KIAA0319: variants seen among roughly 807,000 people sequenced by gnomAD.
KIAA0319 encodes the protein KIAA0319, also known as dyslexia-associated protein KIAA0319.
A neutral mutation model predicts 108.4 loss-of-function variants in KIAA0319; 83 were observed. The ratio of observed to expected loss-of-function variants is 0.77; its 90% CI spans 0.64 to 0.92. The LOEUF is 0.92. Ranked by LOEUF, KIAA0319 falls within the 40% of genes least tolerant of loss-of-function variation. The pLI, the probability that KIAA0319 is intolerant of heterozygous loss-of-function variation, is 0.00. For synonymous variants in KIAA0319, 484 were observed against 510.4 expected, an observed-to-expected ratio of 0.95 and a Z score of 0.70; for missense variants, 1,195 against 1,322.4, an observed-to-expected ratio of 0.90 and a Z score of 1.49.
At chr6:24,559,939 TAGATGGAATCATACA>T (rs1355520453) in intron 16 of KIAA0319, among the ~76,000 whole-genome samples, 1 of 152,220 alleles carries the variant, frequency 6.6e-6, no homozygotes, top group Non-Finnish European at 1.5e-5. Context: ...ACACTTCAGA[TAGATGGAATCATACA>T]ATATGAGACC....
intron 2 of KIAA0319, among the ~76,000 whole-genome samples, chr6:24,597,707 G>T (rs1008984498): frequency 6.6e-6 from 1 of 151,854 alleles, no homozygotes; most frequent in African/African-American, 2.4e-5. Context: ...CTAGTTACTT[G>T]ATGATTCTTG....
chr6:24,565,896 A>C (rs1454858336), intron 14 of KIAA0319, among the ~76,000 whole-genome samples: 1 of 152,196 alleles, frequency 6.6e-6, no homozygotes, highest in Non-Finnish European at 1.5e-5. Context: ...GTACAATATG[A>C]GGAACAGAAA....
chr6:24,625,383 T>C (rs1016386620), intron 1 of KIAA0319, among the ~76,000 whole-genome samples: 2 of 152,030 alleles, frequency 1.3e-5, no homozygotes, highest in African/African-American at 4.8e-5. Context: ...ATAAAGAATA[T>C]ATTTAAATAT....
At chr6:24,552,375 TCA>T (rs1286611046) in intron 19 of KIAA0319, among the ~76,000 whole-genome samples, 1 of 152,180 alleles carries the variant, frequency 6.6e-6, no homozygotes, top group South Asian at 2.1e-4. Flanking sequence ...TCATAAATGT[TCA>T]CAGTTATCAC....
At chr6:24,620,362 A>T (rs1024019944) in intron 1 of KIAA0319, among the ~76,000 whole-genome samples, 5 of 152,198 alleles carry the variant, frequency 3.3e-5, no homozygotes, top group African/African-American at 1.2e-4. Flanking sequence ...GTGCAGTGGC[A>T]TGATCTCAGC....
chr6:24,594,368 G>A (rs973456281), intron 3 of KIAA0319, among the ~76,000 whole-genome samples: 1 of 151,816 alleles, frequency 6.6e-6, no homozygotes, highest in African/African-American at 2.4e-5. Flanking sequence ...GCTCATGCCT[G>A]TAATCCCAAC....
chr6:24,557,490 G>A (rs1172282257), intron 17 of KIAA0319, among the ~76,000 whole-genome samples: 1 of 152,184 alleles, frequency 6.6e-6, no homozygotes, highest in Non-Finnish European at 1.5e-5. Context: ...GCAACAGAGG[G>A]ACAGAGCTAG....
chr6:24,598,367 TG>T, intron 2 of KIAA0319: 1 of 645,274 alleles, frequency 1.5e-6, no homozygotes, highest in Non-Finnish European at 2.9e-6. Context: ...GTATGGTTCC[TG>T]GAGCAGCAGA....
At chr6:24,588,269 A>T (rs1489096337) in intron 4 of KIAA0319, among the ~76,000 whole-genome samples, 3 of 152,158 alleles carry the variant, frequency 2.0e-5, no homozygotes, top group Admixed American at 2.0e-4. Flanking sequence ...TCCTAGCATC[A>T]TCTCCTCTGG....
chr6:24,587,427 C>T (rs1186758683), intron 4 of KIAA0319, among the ~76,000 whole-genome samples: 2 of 150,948 alleles, frequency 1.3e-5, no homozygotes, highest in African/African-American at 2.4e-5. Context: ...ACTACAGGCG[C>T]CCACCACCAC....
chr6:24,588,828 A>C (rs747910270), intron 3 of KIAA0319, 43 bp from the exon 4 acceptor site: 2 of 1,495,504 alleles, frequency 1.3e-6, no homozygotes, highest in Admixed American at 1.9e-5. Flanking sequence ...TAAAAAAAAA[A>C]CAGTCCAACT....
At chr6:24,587,423 G>A (rs192234065) in intron 4 of KIAA0319, among the ~76,000 whole-genome samples, 5 of 152,104 alleles carry the variant, frequency 3.3e-5, no homozygotes, top group African/African-American at 1.2e-4. Flanking sequence ...TGGGACTACA[G>A]GCGCCCACCA....
At chr6:24,574,829 T>G (rs1418044492) in intron 10 of KIAA0319, among the ~76,000 whole-genome samples, 2 of 152,204 alleles carry the variant, frequency 1.3e-5, no homozygotes, top group Non-Finnish European at 2.9e-5. Flanking sequence ...CTACTTTGAC[T>G]AAGTAAGGCA....
intron 1 of KIAA0319, among the ~76,000 whole-genome samples, chr6:24,631,307 C>T (rs774967058): frequency 9.9e-5 from 15 of 152,214 alleles, no homozygotes; most frequent in Admixed American, 3.9e-4. Context: ...TCCTGAGCAC[C>T]TCTCCAGGAG....
chr6:24,609,244 G>T (rs1272971081), intron 1 of KIAA0319, among the ~76,000 whole-genome samples: 2 of 146,448 alleles, frequency 1.4e-5, no homozygotes, highest in East Asian at 3.9e-4. Flanking sequence ...CTCCAGCCTG[G>T]GTGACAGAGC....
downstream of KIAA0319, among the ~76,000 whole-genome samples, chr6:24,543,715 A>C (rs2127394992): frequency 6.6e-6 from 1 of 152,328 alleles, no homozygotes; most frequent in East Asian, 1.9e-4. Context: ...TACAGGCATG[A>C]GCTACCATGC....
At chr6:24,595,301 C>T (rs1232295388) in intron 3 of KIAA0319, among the ~76,000 whole-genome samples, 1 of 152,062 alleles carries the variant, frequency 6.6e-6, no homozygotes, top group Non-Finnish European at 1.5e-5. Context: ...AATCCCAGCA[C>T]TTTGGGAGGC....
At chr6:24,641,980 T>C (rs1776957948) in intron 1 of KIAA0319, among the ~76,000 whole-genome samples, 1 of 136,282 alleles carries the variant, frequency 7.3e-6, no homozygotes, top group Admixed American at 8.5e-5. Flanking sequence ...CGTGGCACTG[T>C]ACTTCAGCCT....
chr6:24,562,868 T>C (rs1416725658), intron 16 of KIAA0319, among the ~76,000 whole-genome samples: 2 of 151,954 alleles, frequency 1.3e-5, no homozygotes, highest in Non-Finnish European at 2.9e-5. Context: ...AAATAATAAA[T>C]AGATTAAATA....
Sources: allele counts gnomAD v4.1 joint callset (sites outside exome capture counted in the v4.1 genomes callset), GRCh38; gene constraint gnomAD v4.1.1; transcripts MANE v1.5; gene names NCBI Gene and HGNC (gene_info 2026-07-23, HGNC 2026-07-21).